Variants in HTR2A observed in about 807,000 individuals in gnomAD.
HTR2A encodes the protein 5-hydroxytryptamine receptor 2A, also known as 5-HT2 receptor.
Under a neutral mutation model 31.0 loss-of-function variants are expected in HTR2A, and 14 were observed. The ratio of observed to expected loss-of-function variants is 0.45; its 90% CI spans 0.30 to 0.71. The LOEUF is 0.71. Among genes scored for constraint, HTR2A ranks in the 30% least tolerant of loss-of-function variants. The pLI is 0.09. For missense variants in HTR2A, 442 were observed against 573.3 expected, an observed-to-expected ratio of 0.77 and a Z score of 2.34; for synonymous variants, 209 against 225.2, an observed-to-expected ratio of 0.93 and a Z score of 0.64.
intron 3 of HTR2A, among the ~76,000 whole-genome samples, chr13:46,853,150 G>A (rs1261094418): frequency 6.6e-6 from 1 of 152,088 alleles, no homozygotes; most frequent in Non-Finnish European, 1.5e-5. Context: ...CCCTTCAGGG[G>A]ATATAAGATG....
chr13:46,845,838 T>C (rs185263207), intron 3 of HTR2A, among the ~76,000 whole-genome samples: 185 of 152,298 alleles, frequency 1.2e-3, no homozygotes, highest in African/African-American at 4.4e-3. Context: ...TATCTTATCA[T>C]AGTCATGCAC....
chr13:46,835,213 A>G lies in HTR2A; in HGVS notation c.1040T>C (p.Val347Ala). The G allele has an allele frequency of 6.2e-7, 1 of 1,614,106 alleles. No individual in the cohort carries two copies. Among genetic ancestry groups the G allele is most frequent in the Non-Finnish European group, 8.5e-7 (1 of 1,180,008 alleles). Residue 347 changes from valine (V) to alanine (A), a missense_variant, in exon 4 of 4, where the codon GTC becomes GCC. By Grantham distance (64) the Val-to-Ala change is moderately conservative. Transcript: ENST00000542664. The stretch of plus-strand genomic sequence containing the variant: ...CTCATTGCAGGACTCTTTGCAGATG[A>G]CGGCCATGATGTTTGTGATGAAGAA... ...CPFFITNIMA[V>A]ICKESCNEDV...
rs997075978 is a variant in HTR2A, at chr13:46,833,209, C to A, written c.*1628G>T. Reference sequence around the variant, plus strand: ...TTATTTGTTTGGTGTTTATTGGTAACCAATCAGGAAAACTTATTTTTAAAA... The same window carrying A: ...TTATTTGTTTGGTGTTTATTGGTAAACAATCAGGAAAACTTATTTTTAAAA... On this transcript the variant is annotated 3_prime_UTR_variant, in exon 4 of 4. Transcript: ENST00000542664. The A allele has an allele frequency of 3.2e-4, 49 of 151,992 alleles. No homozygotes were observed. Among genetic ancestry groups the A allele is most frequent in the African/African-American group, 1.2e-3 (48 of 41,374 alleles). The allele number at this position is 151,992 out of a possible 1,614,324, so 9.4% of individuals were successfully genotyped here. A position where few individuals can be genotyped will look rare whatever the true frequency, so the allele number is the denominator to read the frequency against.
chr13:46,872,120 G>A (rs1308459524), intron 3 of HTR2A, among the ~76,000 whole-genome samples: 2 of 152,148 alleles, frequency 1.3e-5, no homozygotes, highest in African/African-American at 4.8e-5. Context: ...ACACTTAAAT[G>A]TAGACTTTAA....
At chr13:46,883,023 A>T (rs1023070584) in intron 3 of HTR2A, among the ~76,000 whole-genome samples, 2 of 152,224 alleles carry the variant, frequency 1.3e-5, no homozygotes, top group Non-Finnish European at 2.9e-5. Flanking sequence ...TCAAATCCAG[A>T]TAGTGTGGCT....
At chr13:46,881,178 G>A (rs530591654) in intron 3 of HTR2A, among the ~76,000 whole-genome samples, 1 of 152,350 alleles carries the variant, frequency 6.6e-6, no homozygotes, top group South Asian at 2.1e-4. Flanking sequence ...CAGGCAAGGA[G>A]ATGTCCCTAA....
At chr13:46,867,554 C>T (rs907837643) in intron 3 of HTR2A, among the ~76,000 whole-genome samples, 1 of 152,184 alleles carries the variant, frequency 6.6e-6, no homozygotes, top group Non-Finnish European at 1.5e-5. Flanking sequence ...TTCTCCAGAA[C>T]ATCTCTTGAA....
intron 3 of HTR2A, among the ~76,000 whole-genome samples, chr13:46,885,496 A>G (rs754265473): frequency 1.6e-4 from 25 of 152,378 alleles, no homozygotes; most frequent in Non-Finnish European, 2.9e-4. Flanking sequence ...GATCTTCAAA[A>G]TATTCTGCAA....
chr13:46,895,455 T>C lies in HTR2A; in HGVS notation c.412+40A>G. The C allele has an allele frequency of 1.9e-6, 3 of 1,586,806 alleles. No individual in the cohort carries two copies. Among genetic ancestry groups the C allele is most frequent in the Non-Finnish European group, 2.6e-6 (3 of 1,163,638 alleles). On this transcript the variant is annotated intron_variant, in intron 2 of 3. Coordinates refer to ENST00000542664, the MANE Select transcript of HTR2A (RefSeq NM_000621.5). This position sits in a 1 kb window ranked among gnomAD's most constrained non-coding sequence, Gnocchi z 4.4. ...GCTGGTGGCATGCACATGCTCTTTA[T>C]TACCAGTGCGAATATAGCTGGGAAA...
At chr13:46,889,644 T>G (rs943835946) in intron 3 of HTR2A, among the ~76,000 whole-genome samples, 1 of 152,176 alleles carries the variant, frequency 6.6e-6, no homozygotes, top group African/African-American at 2.4e-5. Context: ...AAATATCAAT[T>G]GAGTCTAAAA....
chr13:46,870,052 T>G (rs893105119), intron 3 of HTR2A, among the ~76,000 whole-genome samples: 32 of 152,166 alleles, frequency 2.1e-4, no homozygotes, highest in African/African-American at 7.5e-4. Flanking sequence ...AATGGCAAAT[T>G]CTCTATTATA....
At chr13:46,883,558 T>C (rs17288723) in intron 3 of HTR2A, among the ~76,000 whole-genome samples, 15,456 of 152,254 alleles carry the variant, frequency 0.1, 1,084 homozygotes, top group Non-Finnish European at 0.16. Context: ...TTCTGAGATA[T>C]GTCTTTGCTA....
At chr13:46,843,325 G>A (rs1254733474) in intron 3 of HTR2A, among the ~76,000 whole-genome samples, 1 of 152,104 alleles carries the variant, frequency 6.6e-6, no homozygotes, top group African/African-American at 2.4e-5. Context: ...TATATATAGG[G>A]TTCAGTACAA....
intron 3 of HTR2A, among the ~76,000 whole-genome samples, chr13:46,852,910 T>C (rs2770300): frequency 0.28 from 42,637 of 151,992 alleles, 6,751 homozygotes; most frequent in East Asian, 0.53. Flanking sequence ...ATCTCAATAA[T>C]TTGAACATGT....
At chr13:46,861,098 T>G (rs1221424005) in intron 3 of HTR2A, among the ~76,000 whole-genome samples, 1 of 152,220 alleles carries the variant, frequency 6.6e-6, no homozygotes. Context: ...AAATTTATTC[T>G]TTAAAAGGTC....
In HTR2A at chr13:46,882,722, G is replaced by A. The variant is rs539271547; in HGVS notation, c.613+9668C>T. Among the ~76,000 whole-genome samples, 5 of 152,278 alleles carry A rather than the reference G, an allele frequency of 3.3e-5. No homozygotes were observed. The East Asian group carries it at 7.7e-4, about 23-fold the overall frequency. On this transcript the variant is annotated intron_variant, in intron 3 of 3. Coordinates refer to ENST00000542664, the MANE Select transcript of HTR2A (RefSeq NM_000621.5). ...CCCCTAATTTACCAATTAGGAAAAAGCCAAGACAAGAGTTCAAATTATGTT... is the reference window on the plus strand; with the variant it reads ...CCCCTAATTTACCAATTAGGAAAAAACCAAGACAAGAGTTCAAATTATGTT...
chr13:46,892,422 AG>A lies in HTR2A; in HGVS notation c.580del (p.Leu194Ter). On this transcript the variant is annotated frameshift_variant, in exon 3 of 4. Transcript: ENST00000542664. LOFTEE classifies it high-confidence loss of function. ...TATGGTCCAAACAGCAATGATTTTC[AG>A]AAATGCCTTAGTTCTGGAGTTGAAG... The part of the protein sequence containing the change: ...SRFNSRTKAF[L>X]KIIAVWTISV... 6.2e-7 allele frequency: 1 copy of A among 1,614,250 alleles called. No individual in the cohort carries two copies. The highest frequency in any genetic ancestry group is 8.5e-7 in the Non-Finnish European group (1 of 1,180,042).
chr13:46,836,580 G>A (rs1876459563), intron 3 of HTR2A, among the ~76,000 whole-genome samples: 3 of 151,932 alleles, frequency 2.0e-5, no homozygotes, highest in Admixed American at 2.0e-4. Context: ...CTTTTATTAT[G>A]GGACATTTTT....
chr13:46,895,350 A>G lies in HTR2A; in HGVS notation c.412+145T>C, dbSNP rs1025379232. On this transcript the variant is annotated intron_variant, in intron 2 of 3. Coordinates refer to ENST00000542664, the MANE Select transcript of HTR2A (RefSeq NM_000621.5). The surrounding 1 kb of genome is among the most constrained non-coding windows in gnomAD (Gnocchi z 4.4). ...TGAAATCCCATTTTAAGAGTAAAAT[A>G]TAAGTAACATAGTAGGCTCTAGTCT... 3 of 697,534 alleles carry G rather than the reference A, an allele frequency of 4.3e-6. No homozygotes were observed. The highest frequency in any genetic ancestry group is 7.0e-6 in the Non-Finnish European group (3 of 426,808). 43.2% of individuals were successfully genotyped at this position (697,534 alleles called of 1,614,324 possible).
Sources: allele counts gnomAD v4.1 joint callset (sites outside exome capture counted in the v4.1 genomes callset), GRCh38; gene constraint gnomAD v4.1.1; non-coding constraint Gnocchi (gnomAD v3.1); transcripts MANE v1.5; gene names NCBI Gene and HGNC (gene_info 2026-07-23, HGNC 2026-07-21).